The following B4GALNT3 variants were observed in gnomAD, a reference collection of about 807,000 sequenced individuals.
The protein encoded by B4GALNT3 is beta-1,4-N-acetyl-galactosaminyltransferase 3.
B4GALNT3 carries 86 observed loss-of-function variants against 120.2 expected under a neutral mutation model. The observed-to-expected ratio is 0.72, with a 90% CI of 0.60 to 0.86. The LOEUF is 0.86. B4GALNT3 is among the 40% of genes least tolerant of loss of function. B4GALNT3 has a pLI of 0.00. For missense variants in B4GALNT3, 1,167 were observed against 1,298.9 expected (o/e 0.90, Z 1.56); for synonymous variants, 518 against 510.4 (o/e 1.01, Z -0.20).
chr12:479,703 C>T (rs1189289561), intron 1 of B4GALNT3, among the ~76,000 whole-genome samples: 5 of 152,072 alleles, frequency 3.3e-5, no homozygotes, highest in South Asian at 2.1e-4. Flanking sequence ...TGAGACGTGC[C>T]GCAGCAGGAG....
At chr12:516,470 G>A (rs565642967) in intron 1 of B4GALNT3, among the ~76,000 whole-genome samples, 27 of 152,352 alleles carry the variant, frequency 1.8e-4, no homozygotes, top group Non-Finnish European at 3.7e-4. Context: ...ACAGCAAGGA[G>A]ATCAGGGTAG....
intron 1 of B4GALNT3, among the ~76,000 whole-genome samples, chr12:487,989 A>T (rs921412169): frequency 1.3e-5 from 2 of 152,112 alleles, no homozygotes; most frequent in Non-Finnish European, 2.9e-5. Flanking sequence ...AAGTAGCCAG[A>T]TAGGGGGAAA....
rs187606279 is a variant in B4GALNT3 at position 506,493 on chromosome 12, A to G, written c.170-28673A>G. 5.6e-3 allele frequency among the ~76,000 whole-genome samples: 860 copies of G among 152,310 alleles called. 25 individuals are homozygous for G. The highest frequency in any genetic ancestry group is 0.043 in the Admixed American group (660 of 15,300). On this transcript the variant is annotated intron_variant, in intron 1 of 19. Transcript: ENST00000266383. ...TTTCTATTTTTTAAAATTCAAAGGT[A>G]TATAATATTAAAAGGTGCTTTCACA...
At chr12:489,265 A>G (rs150612006) in intron 1 of B4GALNT3, among the ~76,000 whole-genome samples, 1,737 of 151,218 alleles carry the variant, frequency 0.011, 30 homozygotes, top group African/African-American at 0.04. Context: ...GAAGCAAACC[A>G]CCATGGCACA....
intron 1 of B4GALNT3, among the ~76,000 whole-genome samples, chr12:502,926 T>C (rs1946458796): frequency 6.6e-6 from 1 of 152,008 alleles, no homozygotes; most frequent in Non-Finnish European, 1.5e-5. Context: ...CTAATTTTTT[T>C]ATTTTTATTT....
chr12:556,776 G>C lies in B4GALNT3; in HGVS notation c.2290G>C (p.Val764Leu). The C allele has an allele frequency of 6.2e-7, 1 of 1,613,886 alleles. No individual in the cohort carries two copies. Among genetic ancestry groups the C allele is most frequent in the African/African-American group, 1.3e-5 (1 of 75,046 alleles). Residue 764 changes from valine (V) to leucine (L), a missense_variant, in exon 15 of 20, where the codon GTC becomes CTC. By Grantham distance (32) the Val-to-Leu change is conservative. Around this residue, in one of 3 missense-constraint regions of B4GALNT3, gnomAD observed 983 missense variants for 1,102.5 expected, o/e 0.89. Transcript: ENST00000266383. ...GGACCCACACAACCGTAGGAGACAG[G>C]TCCTGAATACCCGGGCCCAAGAGCC... ...VWDPHNRRRQ[V>L]LNTRAQEPKL...
intron 4 of B4GALNT3, among the ~76,000 whole-genome samples, 185 bp from the exon 5 acceptor site, chr12:544,697 G>A (rs117643914): frequency 6.6e-6 from 1 of 152,276 alleles, no homozygotes; most frequent in Non-Finnish European, 1.5e-5. Flanking sequence ...TGCTGGTTGT[G>A]CACTGTACAA....
At chr12:490,864 T>A (rs769466426) in intron 1 of B4GALNT3, among the ~76,000 whole-genome samples, 1 of 152,206 alleles carries the variant, frequency 6.6e-6, no homozygotes, top group Non-Finnish European at 1.5e-5. Context: ...TCATATCTAC[T>A]AAGGAATTTG....
intron 1 of B4GALNT3, among the ~76,000 whole-genome samples, chr12:533,818 A>T (rs1461799583): frequency 6.6e-6 from 1 of 152,114 alleles, no homozygotes; most frequent in Non-Finnish European, 1.5e-5. Context: ...CTCACCCCAC[A>T]CCTGCATTTC....
intron 1 of B4GALNT3, among the ~76,000 whole-genome samples, chr12:511,417 TCCA>T: frequency 1.1e-5 from 1 of 95,086 alleles, no homozygotes; most frequent in African/African-American, 4.7e-5. Context: ...CCTTCCACCT[TCCA>T]CCTTCCACCT....
chr12:555,017 A>C (rs570815162), intron 14 of B4GALNT3, among the ~76,000 whole-genome samples: 1 of 151,714 alleles, frequency 6.6e-6, no homozygotes, highest in East Asian at 1.9e-4. Flanking sequence ...ATCTCTAATA[A>C]AAATACAAAA....
At chr12:495,382 C>G (rs1423138010) in intron 1 of B4GALNT3, among the ~76,000 whole-genome samples, 3 of 152,276 alleles carry the variant, frequency 2.0e-5, no homozygotes, top group East Asian at 1.9e-4. Context: ...CCCTTAGTCC[C>G]CCTAACTTTC....
At chr12:477,116 G>T (rs1233160715) in intron 1 of B4GALNT3, among the ~76,000 whole-genome samples, 1 of 152,152 alleles carries the variant, frequency 6.6e-6, no homozygotes, top group Non-Finnish European at 1.5e-5. Context: ...CAGTTTATAG[G>T]ACTCCTGGTG....
chr12:542,027 A>G (rs1000909050), intron 3 of B4GALNT3, among the ~76,000 whole-genome samples: 1 of 151,986 alleles, frequency 6.6e-6, no homozygotes, highest in Non-Finnish European at 1.5e-5. Context: ...ATTTTCCCCC[A>G]AAGTAGCACA....
Position 553,661 on chromosome 12 carries a change from C to T in B4GALNT3, c.1738C>T (p.Pro580Ser). The T allele has an allele frequency of 1.2e-6, 2 of 1,614,010 alleles. No homozygotes were observed. The highest frequency in any genetic ancestry group is 2.2e-5 in the East Asian group (1 of 44,886). The change falls in exon 14 of 20, where the codon CCT becomes TCT. Residue 580 changes from proline (P) to serine (S), a missense_variant. Around this residue, in one of 3 missense-constraint regions of B4GALNT3, gnomAD observed 983 missense variants for 1,102.5 expected, o/e 0.89. Transcript: ENST00000266383. ...AEQRRGDRMR[P>S]QAPGRGWHGE... ...GCAGAGACGGGGTGACAGGATGCGG[C>T]CTCAGGCCCCTGGAAGGGGCTGGCA...
At chr12:510,502 G>GAGTTGGCTGGGCTGGGA (rs1565597382) in intron 1 of B4GALNT3, among the ~76,000 whole-genome samples, 1 of 147,362 alleles carries the variant, frequency 6.8e-6, no homozygotes, top group African/African-American at 2.5e-5. Context: ...GGAGGGAAAC[G>GAGTTGGCTGGGCTGGGA]GGCCCTTTCA....
intron 1 of B4GALNT3, among the ~76,000 whole-genome samples, chr12:462,895 C>T (rs1356153755): frequency 6.6e-6 from 1 of 152,154 alleles, no homozygotes; most frequent in African/African-American, 2.4e-5. Flanking sequence ...AGAGCTATTC[C>T]TCTGGAGGGA....
intron 1 of B4GALNT3, among the ~76,000 whole-genome samples, chr12:513,328 A>C (rs910405686): frequency 6.6e-6 from 1 of 152,278 alleles, no homozygotes; most frequent in African/African-American, 2.4e-5. Context: ...ACTATTCCAC[A>C]AGCAGAGCAG....
In B4GALNT3 at chr12:553,100, G is replaced by A. The variant is rs1057324908; in HGVS notation, c.1271-94G>A. On this transcript the variant is annotated intron_variant, in intron 13 of 19. Coordinates refer to ENST00000266383, the MANE Select transcript of B4GALNT3 (RefSeq NM_173593.4). ...TTCAACCCCAGTCTGGAGCCCCATG[G>A]TGCGTCACACGTATGATCATCCTCT... The A allele has an allele frequency of 2.0e-6, 3 of 1,523,134 alleles. No individual in the cohort carries two copies. In the African/African-American group the frequency reaches 4.1e-5, roughly 21 times the overall value. The allele number at this position is 1,523,134 out of a possible 1,614,324, so 94.4% of individuals were successfully genotyped here.
Sources: gnomAD v4.1 joint callset for allele counts (sites outside exome capture counted in the v4.1 genomes callset) on GRCh38, gnomAD v4.1.1 for gene constraint, gnomAD v4.1.1 regional missense constraint, MANE v1.5 for transcripts, NCBI Gene and HGNC (gene_info 2026-07-23, HGNC 2026-07-21) for gene names.